Variants in ARHGEF10L observed in about 807,000 individuals in gnomAD.
The protein encoded by ARHGEF10L is rho guanine nucleotide exchange factor 10-like protein.
In ARHGEF10L, 69 loss-of-function variants were observed where a neutral mutation model predicts 141.2. The ratio of observed to expected loss-of-function variants is 0.49; its 90% CI spans 0.40 to 0.60. The LOEUF is 0.60. Among genes scored for constraint, ARHGEF10L ranks in the 20% least tolerant of loss-of-function variants. The pLI is 0.00. For missense variants in ARHGEF10L, 1,482 were observed against 1,734.3 expected (o/e 0.85, Z 2.58); for synonymous variants, 711 against 718.5 (o/e 0.99, Z 0.17).
intron 1 of ARHGEF10L, among the ~76,000 whole-genome samples, chr1:17,576,571 C>A (rs2078234188): frequency 6.6e-6 from 1 of 152,140 alleles, no homozygotes; most frequent in South Asian, 2.1e-4. Context: ...AAAAAGGTGA[C>A]CTCCAAGAGA....
At chr1:17,565,005 G>A (rs1391610982) in intron 1 of ARHGEF10L, among the ~76,000 whole-genome samples, 3 of 152,216 alleles carry the variant, frequency 2.0e-5, no homozygotes, top group Admixed American at 1.3e-4. Flanking sequence ...CATTCGGGCA[G>A]CTGTAACGAA....
rs1164575780 is a variant in ARHGEF10L at position 17,687,628 on chromosome 1, C to T, written c.3065C>T (p.Ala1022Val). 8 of 1,612,806 alleles carry T rather than the reference C, an allele frequency of 5.0e-6. No homozygotes were observed. The highest frequency in any genetic ancestry group is 1.6e-4 in the Middle Eastern group (1 of 6,080). Residue 1022 changes from alanine to valine, a missense_variant, in exon 27 of 29, where the codon GCG (alanine) becomes GTG (valine). By Grantham distance (64) the Ala-to-Val change is moderately conservative. Coordinates refer to ENST00000361221, the MANE Select transcript of ARHGEF10L (RefSeq NM_018125.4). ...EAVSVTHMVKAGSGVWMAFSS... is the reference protein window; with the variant it reads ...EAVSVTHMVKVGSGVWMAFSS... Reference sequence around the variant, plus strand: ...GTGAGCGTGACACACATGGTGAAGGCGGGCAGCGGCGTCTGGATGGCCTTC... The same window carrying T: ...GTGAGCGTGACACACATGGTGAAGGTGGGCAGCGGCGTCTGGATGGCCTTC...
intron 28 of ARHGEF10L, 97 bp from the exon 29 acceptor site, chr1:17,696,751 A>T: frequency 1.5e-6 from 2 of 1,320,546 alleles, no homozygotes; most frequent in Non-Finnish European, 2.0e-6. Context: ...ACCCCCCCAA[A>T]TACCCACCCA....
chr1:17,673,068 G>C lies in ARHGEF10L; in HGVS notation c.3009+8473G>C, dbSNP rs2063424038. On this transcript the variant is annotated intron_variant, in intron 26 of 28. Transcript: ENST00000361221. The surrounding 1 kb of genome is among the most constrained non-coding windows in gnomAD (Gnocchi z 4.1). ...TGATTTTAAAAAGAAGTTGGTCGCT[G>C]ATGGCTCAGGGAACAGGCTTGGTGA... Among the ~76,000 whole-genome samples the C allele has an allele frequency of 1.3e-5, 2 of 152,160 alleles. No homozygotes were observed. The highest frequency in any genetic ancestry group is 2.9e-5 in the Non-Finnish European group (2 of 68,034).
intron 27 of ARHGEF10L, 52 bp downstream of exon 27, chr1:17,687,799 G>A (rs375792637): frequency 1.3e-5 from 19 of 1,519,136 alleles, no homozygotes; most frequent in Non-Finnish European, 1.6e-5. Flanking sequence ...CACCTTCCAC[G>A]GCCAGGTAGT....
At chr1:17,659,667 A>T (rs1342157902) in intron 25 of ARHGEF10L, among the ~76,000 whole-genome samples, 1 of 152,248 alleles carries the variant, frequency 6.6e-6, no homozygotes, top group African/African-American at 2.4e-5. Flanking sequence ...TAGACCCCTC[A>T]TCTTCGTCTA....
the ARHGEF10L span, among the ~76,000 whole-genome samples, chr1:17,532,150 C>G: frequency 3.9e-5 from 6 of 152,206 alleles, no homozygotes; most frequent in Admixed American, 3.9e-4. Context: ...CCCCTGGGCT[C>G]TCTCCCTGCT....
intron 4 of ARHGEF10L, among the ~76,000 whole-genome samples, chr1:17,594,610 G>A (rs1487703642): frequency 6.6e-6 from 1 of 152,188 alleles, no homozygotes; most frequent in Non-Finnish European, 1.5e-5. Context: ...GGCCTCCCGA[G>A]TAGCTGGGAT....
In ARHGEF10L at chr1:17,644,626, G is replaced by T. The variant is rs1478048638; in HGVS notation, c.2273-3928G>T. 6.6e-6 allele frequency among the ~76,000 whole-genome samples: 1 copy of T among 152,226 alleles called. No individual in the cohort carries two copies. Among genetic ancestry groups the T allele is most frequent in the Non-Finnish European group, 1.5e-5 (1 of 68,038 alleles). On this transcript the variant is annotated intron_variant, in intron 21 of 28. Coordinates refer to ENST00000361221, the MANE Select transcript of ARHGEF10L (RefSeq NM_018125.4). The surrounding 1 kb of genome is among the most constrained non-coding windows in gnomAD (Gnocchi z 4.5). Reference sequence around the variant, plus strand: ...GCAGCATCTCCATGGTGCTGGGGAGGTGTGAGCGGTATCTTGAAGGTGGCT... The same window carrying T: ...GCAGCATCTCCATGGTGCTGGGGAGTTGTGAGCGGTATCTTGAAGGTGGCT...
intron 1 of ARHGEF10L, among the ~76,000 whole-genome samples, chr1:17,540,313 G>T (rs533752709): frequency 6.8e-6 from 1 of 147,328 alleles, no homozygotes; most frequent in South Asian, 2.1e-4. Context: ...ACTTCTTCCT[G>T]CGCTGACCTT....
the ARHGEF10L span, among the ~76,000 whole-genome samples, chr1:17,515,193 A>G: frequency 1.3e-5 from 2 of 152,104 alleles, no homozygotes; most frequent in African/African-American, 4.8e-5. Flanking sequence ...GTCTGCAGAC[A>G]TTTTTGGCTG....
In ARHGEF10L at chr1:17,603,682, T is replaced by C; in HGVS notation, c.433+91T>C. 5 of 1,198,840 alleles carry C rather than the reference T, an allele frequency of 4.2e-6. No individual in the cohort carries two copies. The highest frequency in any genetic ancestry group is 5.7e-6 in the Non-Finnish European group (5 of 870,608). The allele number at this position is 1,198,840 out of a possible 1,614,324, so 74.3% of individuals were successfully genotyped here. ...GGTTGTCTCTTTCCGTTTCCTTCTG[T>C]CCCCACCTGGCCAAGTGCCCCTCCT... On this transcript the variant is annotated intron_variant, in intron 6 of 28. Coordinates refer to ENST00000361221, the MANE Select transcript of ARHGEF10L (RefSeq NM_018125.4). The surrounding 1 kb of genome is among the most constrained non-coding windows in gnomAD (Gnocchi z 4.8).
intron 26 of ARHGEF10L, among the ~76,000 whole-genome samples, chr1:17,667,289 A>G (rs2063046568): frequency 6.6e-6 from 1 of 152,188 alleles, no homozygotes; most frequent in Non-Finnish European, 1.5e-5. Flanking sequence ...TGTGGAAGAC[A>G]CAGCCTGTCT....
intron 2 of ARHGEF10L, among the ~76,000 whole-genome samples, chr1:17,581,949 C>T (rs1209914184): frequency 2.0e-5 from 3 of 152,022 alleles, no homozygotes; most frequent in Non-Finnish European, 2.9e-5. Context: ...TCCTAGGGTC[C>T]CTCGCCTCCT....
chr1:17,530,457 G>A, the ARHGEF10L span, among the ~76,000 whole-genome samples: 202 of 150,780 alleles, frequency 1.3e-3, 5 homozygotes, highest in African/African-American at 4.7e-3. Context: ...CAGGGGGTGA[G>A]GTTAGCTCTC....
chr1:17,619,397 C>G lies in ARHGEF10L; in HGVS notation c.894C>G (p.Pro298=). ...AGGTCAGCGTTTCGGACATCAAGCC[C>G]CCAGCCCCAGAGCTGGGCCCCATGC... ...LLEVSVSDIK[P]PAPELGPMPE... Residue 298 remains proline, a synonymous_variant, in exon 10 of 29, where the codon CCC becomes CCG. Coordinates refer to ENST00000361221, the MANE Select transcript of ARHGEF10L (RefSeq NM_018125.4). The surrounding 1 kb of genome is among the most constrained non-coding windows in gnomAD (Gnocchi z 5.0). The G allele has an allele frequency of 6.2e-7, 1 of 1,612,496 alleles. No individual in the cohort carries two copies. Among genetic ancestry groups the G allele is most frequent in the South Asian group, 1.1e-5 (1 of 90,838 alleles).
chr1:17,578,365 A>G (rs1317236500), intron 1 of ARHGEF10L, among the ~76,000 whole-genome samples: 2 of 152,216 alleles, frequency 1.3e-5, no homozygotes, highest in Non-Finnish European at 2.9e-5. Flanking sequence ...CACGCTTAGC[A>G]GAGAGTAACT....
chr1:17,622,157 T>C (rs995576651), intron 11 of ARHGEF10L, among the ~76,000 whole-genome samples: 7 of 152,094 alleles, frequency 4.6e-5, no homozygotes, highest in Non-Finnish European at 8.8e-5. Context: ...GTGAACAAAA[T>C]GGGATTCTTT....
In ARHGEF10L at chr1:17,539,868, T is replaced by G. The variant is rs2076650166; in HGVS notation, c.-126T>G. ...CCGGCCATGGGCGCCCGCGGCGGCC[T>G]GCGGAGCTGGAGGCGCGGCGCCGGC... is the stretch of plus-strand genomic sequence containing the variant. On this transcript the variant is annotated 5_prime_UTR_variant, in exon 1 of 29. Transcript: ENST00000361221. The surrounding 1 kb of genome is among the most constrained non-coding windows in gnomAD (Gnocchi z 6.0). 1 of 148,552 alleles carries G rather than the reference T, an allele frequency of 6.7e-6. No homozygotes were observed. Among genetic ancestry groups the G allele is most frequent in the Admixed American group, 6.7e-5 (1 of 14,924 alleles). The allele number at this position is 148,552 out of a possible 1,614,324, so 9.2% of individuals were successfully genotyped here. A position where few individuals can be genotyped will look rare whatever the true frequency, so the allele number is the denominator to read the frequency against.
Sources: gnomAD v4.1 joint callset for allele counts (sites outside exome capture counted in the v4.1 genomes callset) on GRCh38, gnomAD v4.1.1 for gene constraint, Gnocchi (gnomAD v3.1) non-coding constraint, MANE v1.5 for transcripts, NCBI Gene and HGNC (gene_info 2026-07-23, HGNC 2026-07-21) for gene names.